The following PLEC variants were observed in gnomAD, a reference collection of about 807,000 sequenced individuals.
PLEC encodes plectin.
In PLEC, 216 loss-of-function variants were observed where a neutral mutation model predicts 392.8. That is an observed-to-expected ratio of 0.55 (90% CI 0.49 to 0.62). PLEC has a LOEUF of 0.62. Among genes scored for constraint, PLEC ranks in the 20% least tolerant of loss-of-function variants. PLEC has a pLI of 0.00. For synonymous variants in PLEC, 3,621 were observed against 2,980.6 expected (o/e 1.21, Z -7.00); for missense variants, 6,863 against 6,563.4 (o/e 1.05, Z -1.58).
chr8:143,929,857 C>G (rs541259886), intron 22 of PLEC, 28 bp from the exon 23 acceptor site: 1 of 1,599,884 alleles, frequency 6.3e-7, no homozygotes, highest in South Asian at 1.1e-5. Flanking sequence ...GGCTGAGTGC[C>G]GGGCGAGGCG....
upstream of PLEC, chr8:143,942,445 C>T (rs1830669410): frequency 3.1e-6 from 5 of 1,603,280 alleles, no homozygotes; most frequent in African/African-American, 2.7e-5. Context: ...CTCGCAGCCC[C>T]CGTCCAGCCA....
chr8:143,967,372 A>C (rs1387831202), intron 1 of PLEC, among the ~76,000 whole-genome samples: 5 of 140,714 alleles, frequency 3.6e-5, no homozygotes, highest in Non-Finnish European at 5.9e-5. Flanking sequence ...CAAAAAAAAA[A>C]AAAAAAAAAA....
intron 1 of PLEC, among the ~76,000 whole-genome samples, chr8:143,963,489 G>A (rs1832955414): frequency 6.6e-6 from 1 of 152,186 alleles, no homozygotes; most frequent in African/African-American, 2.4e-5. Flanking sequence ...TTCTCCCTTT[G>A]GGAATGGTGA....
Position 143,916,616 on chromosome 8 carries a change from G to A in PLEC, c.13205C>T (p.Thr4402Met), listed in dbSNP as rs113513807. The A allele has an allele frequency of 0.022, 34,814 of 1,609,944 alleles. 437 individuals carry two copies. Among genetic ancestry groups the A allele is most frequent in the Non-Finnish European group, 0.026 (30,876 of 1,178,894 alleles). ...CTCGTCCAGGGGCACGCGGCCCGGC[G>A]TGTCGGGCTCGATCAAGCCGCCGGT... ...YLTGGLIEPD[T>M]PGRVPLDEAL... The change falls in exon 32 of 32, where the codon ACG becomes ATG. Residue 4402 changes from threonine to methionine, a missense_variant. Physicochemically the swap from Thr to Met is moderately conservative, Grantham distance 81. Coordinates refer to ENST00000345136, the MANE Select transcript of PLEC (RefSeq NM_201384.3).
At chr8:143,963,809 A>ATTTTTTTTTTTTTTTTTTT (rs1190132489) in intron 1 of PLEC, among the ~76,000 whole-genome samples, 1 of 119,932 alleles carries the variant, frequency 8.3e-6, no homozygotes, top group Non-Finnish European at 1.7e-5. Flanking sequence ...CACCTGGCTA[A>ATTTTTTTTTTTTTTTTTTT]TTTTTTTTTT....
chr8:143,973,650 A>G (rs1833553185), upstream of PLEC: 2 of 522,534 alleles, frequency 3.8e-6, no homozygotes, highest in Non-Finnish European at 4.9e-6. This position sits in a 1 kb window ranked among gnomAD's most constrained non-coding sequence, Gnocchi z 5.6. Flanking sequence ...GGGCAGAGGG[A>G]GCCGCGTCTG....
Position 143,921,093 on chromosome 8 carries a change from C to T in PLEC, c.8728G>A (p.Val2910Met), listed in dbSNP as rs375607727. Residue 2910 changes from valine (V) to methionine (M), a missense_variant, in exon 32 of 32, where the codon GTG (valine) becomes ATG (methionine). Val to Met is a conservative substitution (Grantham distance 21). Coordinates refer to ENST00000345136, the MANE Select transcript of PLEC (RefSeq NM_201384.3). ...TGGAACTTGCCGAACGGCGCAGACACGGTGGCCTTCTCAAAGACGTCCCGG... is the reference window on the plus strand; with the variant it reads ...TGGAACTTGCCGAACGGCGCAGACATGGTGGCCTTCTCAAAGACGTCCCGG... ...EARDVFEKAT[V>M]SAPFGKFQGK... The T allele has an allele frequency of 3.2e-5, 51 of 1,611,938 alleles. No individual in the cohort carries two copies. The highest frequency in any genetic ancestry group is 3.3e-4 in the Middle Eastern group (2 of 6,084).
At chr8:143,953,686 GTC>G, upstream of PLEC, 1 of 1,594,958 alleles carries the variant, frequency 6.3e-7, no homozygotes, top group South Asian at 1.1e-5. Flanking sequence ...TCACTGTGTG[GTC>G]CGCGCCCCCC....
rs377244187 is a variant in PLEC, at chr8:143,917,480, G to A, written c.12341C>T (p.Thr4114Met). ...CTTCAGCGGCAAGAGACACAGGCCC[G>A]TCTGGGGGTCAGTGATACAACGCTC... is the stretch of plus-strand genomic sequence containing the variant. Reference protein sequence around the residue: ...LMERCITDPQTGLCLLPLKEK... With the variant: ...LMERCITDPQMGLCLLPLKEK... Residue 4114 changes from threonine to methionine, a missense_variant, in exon 32 of 32, where the codon ACG becomes ATG. Thr to Met is a moderately conservative substitution (Grantham distance 81). Transcript: ENST00000345136. 60 of 1,613,842 alleles carry A rather than the reference G, an allele frequency of 3.7e-5. No individual in the cohort carries two copies. Among genetic ancestry groups the A allele is most frequent in the South Asian group, 1.5e-4 (14 of 91,080 alleles).
At chr8:143,952,206 A>ACG (rs1227762966), upstream of PLEC, among the ~76,000 whole-genome samples, 4 of 124,124 alleles carry the variant, frequency 3.2e-5, no homozygotes, top group Admixed American at 1.5e-4. Flanking sequence ...ACACACACAC[A>ACG]CACGCGCGCA....
Position 143,925,309 on chromosome 8 carries a change from C to G in PLEC, c.4620G>C (p.Glu1540Asp), listed in dbSNP as rs1554701903. The change falls in exon 31 of 32, where the codon GAG becomes GAC. Residue 1540 changes from glutamate to aspartate, a missense_variant. By Grantham distance (45) the Glu-to-Asp change is conservative. Coordinates refer to ENST00000345136, the MANE Select transcript of PLEC (RefSeq NM_201384.3). ...EKQRALQALE[E>D]LRLQAEEAER... is the part of the protein sequence containing the mutation. ...CCGCCTCCTCCGCCTGCAGCCGCAG[C>G]TCCTCCAGGGCCTGCAGGGCCCGCT... 2 of 1,570,100 alleles carry G rather than the reference C, an allele frequency of 1.3e-6. No individual in the cohort carries two copies. Among genetic ancestry groups the G allele is most frequent in the Non-Finnish European group, 1.7e-6 (2 of 1,166,326 alleles).
intron 1 of PLEC, among the ~76,000 whole-genome samples, chr8:143,960,036 A>T (rs1554740367): frequency 2.0e-5 from 3 of 152,074 alleles, no homozygotes; most frequent in Non-Finnish European, 4.4e-5. Context: ...TAATCCCAGC[A>T]CTTTGGGAGG....
At chr8:143,943,123 A>C (rs1026498156), upstream of PLEC, among the ~76,000 whole-genome samples, 3 of 152,192 alleles carry the variant, frequency 2.0e-5, no homozygotes, top group Non-Finnish European at 4.4e-5. Context: ...ACTCATCTCA[A>C]GTCCGGGGAT....
In PLEC at chr8:143,920,881, C is replaced by T. The variant is rs1554683320; in HGVS notation, c.8940G>A (p.Leu2980=). ...GRLCFEGLRS[L]VPAAELLESR... is the part of the protein sequence containing the mutation. The stretch of plus-strand genomic sequence containing the variant: ...TCTCCAGCAGCTCGGCGGCTGGCAC[C>T]AGGCTGCGCAGGCCCTCAAAGCAAA... Residue 2980 remains leucine, a synonymous_variant, in exon 32 of 32, where the codon CTG becomes CTA. Transcript: ENST00000345136. The T allele has an allele frequency of 1.2e-6, 2 of 1,611,190 alleles. No homozygotes were observed. Among genetic ancestry groups the T allele is most frequent in the Non-Finnish European group, 1.7e-6 (2 of 1,179,946 alleles).
At chr8:143,946,143 A>G (rs1201368943) in intron 1 of PLEC, among the ~76,000 whole-genome samples, 2 of 152,146 alleles carry the variant, frequency 1.3e-5, no homozygotes, top group Admixed American at 6.5e-5. Flanking sequence ...CAGTTCTTCT[A>G]CCACTCCACG....
Position 143,930,077 on chromosome 8 carries a change from C to A in PLEC, c.2613-15G>T, listed in dbSNP as rs1554712811. 2.5e-6 allele frequency: 4 copies of A among 1,608,164 alleles called. No homozygotes were observed. Among genetic ancestry groups the A allele is most frequent in the South Asian group, 1.1e-5 (1 of 91,016 alleles). ...GGGCCTCCAGCCTGGCAGGTCAGGG[C>A]TACAGTCAGCGTCACCAGCGCCCCA... On this transcript the variant is annotated splice_polypyrimidine_tract_variant and intron_variant, in intron 21 of 31. Coordinates refer to ENST00000345136, the MANE Select transcript of PLEC (RefSeq NM_201384.3).
At position 143,920,554 on chromosome 8, in the gene PLEC, G is replaced by T; in HGVS notation, c.9267C>A (p.Pro3089=). The change falls in exon 32 of 32, where the codon CCC becomes CCA. Residue 3089 remains proline (P), a synonymous_variant. Coordinates refer to ENST00000345136, the MANE Select transcript of PLEC (RefSeq NM_201384.3). The part of the protein sequence containing the change: ...DEAVRAGLVG[P]EFHEKLLSAE... ...CTGATAGCAGCTTCTCATGAAACTC[G>T]GGGCCCACCAGGCCAGCACGCACTG... is the stretch of plus-strand genomic sequence containing the variant. The T allele has an allele frequency of 6.2e-7, 1 of 1,611,314 alleles. No individual in the cohort carries two copies.
intron 1 of PLEC, among the ~76,000 whole-genome samples, chr8:143,960,213 C>T (rs1440383927): frequency 2.0e-5 from 3 of 150,960 alleles, no homozygotes; most frequent in Non-Finnish European, 4.4e-5. Flanking sequence ...ACTCGGAGGG[C>T]GGAGGTTGCA....
rs780847498 is a variant in PLEC, at chr8:143,922,539, G to A, written c.7390C>T (p.Gln2464Ter). Reference protein sequence around the residue: ...ELEREKEKLQQEAKLLQLKSE... With the variant: ...ELEREKEKLQ ...TTGAGCTGCAGCAGTTTGGCCTCCT[G>A]TTGGAGCTTCTCCTTCTCACGCTCC... Residue 2464 changes from glutamine to a stop codon, truncating the protein, a stop_gained, in exon 31 of 32, where the codon CAG (glutamine) becomes TAG (stop). Coordinates refer to ENST00000345136, the MANE Select transcript of PLEC (RefSeq NM_201384.3). LOFTEE classifies it low-confidence loss of function (END_TRUNC). 1 of 1,612,432 alleles carries A rather than the reference G, an allele frequency of 6.2e-7. No homozygotes were observed. The highest frequency in any genetic ancestry group is 8.5e-7 in the Non-Finnish European group (1 of 1,180,010).
Sources: allele counts gnomAD v4.1 joint callset (sites outside exome capture counted in the v4.1 genomes callset), GRCh38; gene constraint gnomAD v4.1.1; non-coding constraint Gnocchi (gnomAD v3.1); transcripts MANE v1.5; gene names NCBI Gene and HGNC (gene_info 2026-07-23, HGNC 2026-07-21).